The following EFCAB5 variants were observed in gnomAD, a reference collection of about 807,000 sequenced individuals.
EFCAB5 encodes EF-hand calcium binding domain 5.
Under a neutral mutation model 167.9 loss-of-function variants are expected in EFCAB5, and 131 were observed. The ratio of observed to expected loss-of-function variants is 0.78; its 90% CI spans 0.68 to 0.90. The LOEUF is 0.90. Among genes scored for constraint, EFCAB5 ranks in the 40% least tolerant of loss-of-function variants. The pLI is 0.00. For synonymous variants in EFCAB5, 574 were observed against 602.8 expected, an observed-to-expected ratio of 0.95 and a Z score of 0.70; for missense variants, 1,663 against 1,745.2, an observed-to-expected ratio of 0.95 and a Z score of 0.84.
At position 30,068,722 on chromosome 17, in the gene EFCAB5, G is replaced by A. The variant is rs189522863; in HGVS notation, c.2737+9021G>A. On this transcript the variant is annotated intron_variant, in intron 14 of 22. Coordinates refer to ENST00000394835, the MANE Select transcript of EFCAB5 (RefSeq NM_198529.4). The stretch of plus-strand genomic sequence containing the variant: ...GGGAGTGGCAGTGGGTGGCAGAGTC[G>A]ATGGCAGCCGGGATGAGCTGTTCCG... The A allele has an allele frequency of 2.4e-4, 366 of 1,506,274 alleles. 1 individual carries two copies. Among genetic ancestry groups the A allele is most frequent in the Admixed American group, 1.7e-3 (102 of 58,796 alleles). 93.3% of individuals were successfully genotyped at this position (1,506,274 alleles called of 1,614,324 possible).
At chr17:30,080,648 T>C (rs1206592531) in intron 16 of EFCAB5, 105 bp from the exon 17 acceptor site, 1 of 863,084 alleles carries the variant, frequency 1.2e-6, no homozygotes, top group Non-Finnish European at 1.8e-6. Context: ...TGCTCGGTCA[T>C]ATAATGCCAC....
chr17:29,942,393 T>C (rs1475931371), intron 2 of EFCAB5, 91 bp downstream of exon 2: 2 of 1,208,894 alleles, frequency 1.7e-6, no homozygotes, highest in Non-Finnish European at 2.2e-6. Flanking sequence ...ATGTGGGTAT[T>C]CAAAAAGATA....
intron 4 of EFCAB5, among the ~76,000 whole-genome samples, chr17:29,978,789 G>C (rs1034015142): frequency 6.6e-6 from 1 of 152,204 alleles, no homozygotes; most frequent in Non-Finnish European, 1.5e-5. Context: ...TCATTTAAAA[G>C]TATCCAGTGA....
At chr17:30,020,548 A>T (rs2069153490) in intron 7 of EFCAB5, among the ~76,000 whole-genome samples, 1 of 152,038 alleles carries the variant, frequency 6.6e-6, no homozygotes, top group African/African-American at 2.4e-5. Context: ...TATTTTTAGT[A>T]GAGGCCAAGT....
At chr17:29,945,064 A>G (rs970787888) in intron 3 of EFCAB5, among the ~76,000 whole-genome samples, 17 of 152,222 alleles carry the variant, frequency 1.1e-4, no homozygotes, top group Non-Finnish European at 2.5e-4. Context: ...AAGTCTTCAA[A>G]AAAGTAGAGA....
chr17:30,059,457 G>A (rs752604242), intron 13 of EFCAB5, 88 bp from the exon 14 acceptor site: 46 of 1,364,298 alleles, frequency 3.4e-5, no homozygotes, highest in Non-Finnish European at 4.2e-5. Flanking sequence ...AATAGAAGAC[G>A]CTGGACTTTT....
In EFCAB5 at chr17:29,996,335, C is replaced by A. The variant is rs1189477225; in HGVS notation, c.948C>A (p.Phe316Leu). The A allele has an allele frequency of 7.7e-6, 12 of 1,551,004 alleles. No homozygotes were observed. The highest frequency in any genetic ancestry group is 3.6e-5 in the South Asian group (3 of 83,608). ...AGATTCAGAATGTTCTTCAAGAATT[C>A]TTTCAAAATCCAGATTTCAAGCTTG... ...KSVIQNVLQE[F>L]FQNPDFKLGS... Residue 316 changes from phenylalanine to leucine, a missense_variant, in exon 6 of 23, where the codon TTC (phenylalanine) becomes TTA (leucine). Transcript: ENST00000394835.
Position 30,044,828 on chromosome 17 carries a change from A to G in EFCAB5, c.1201-6290A>G, listed in dbSNP as rs556686547. ...GAAATGAAAGAAATTACAACATATA[A>G]TTAAAACTAAAAGACTTATACATGA... On this transcript the variant is annotated intron_variant, in intron 8 of 22. Coordinates refer to ENST00000394835, the MANE Select transcript of EFCAB5 (RefSeq NM_198529.4). Among the ~76,000 whole-genome samples, 3 of 152,334 alleles carry G rather than the reference A, an allele frequency of 2.0e-5. No homozygotes were observed. In the East Asian group the frequency reaches 5.8e-4, roughly 29 times the overall value.
intron 19 of EFCAB5, among the ~76,000 whole-genome samples, chr17:30,088,250 A>G (rs2071127196): frequency 1.3e-5 from 2 of 152,082 alleles, no homozygotes; most frequent in African/African-American, 4.8e-5. Context: ...TGCTTCCCAA[A>G]TAGCTGGGAC....
intron 22 of EFCAB5, among the ~76,000 whole-genome samples, chr17:30,096,397 G>A (rs892402043): frequency 1.3e-5 from 2 of 151,968 alleles, no homozygotes; most frequent in African/African-American, 2.4e-5. Flanking sequence ...TTGATGAGAC[G>A]TGGAGCATGG....
chr17:29,960,437 A>T (rs143880716), intron 3 of EFCAB5, among the ~76,000 whole-genome samples: 25 of 152,106 alleles, frequency 1.6e-4, no homozygotes, highest in African/African-American at 5.1e-4. Context: ...TCATTTTTTG[A>T]AATATTTTAT....
chr17:30,023,600 G>A (rs1045547581), intron 7 of EFCAB5, among the ~76,000 whole-genome samples: 3 of 152,100 alleles, frequency 2.0e-5, no homozygotes, highest in Non-Finnish European at 4.4e-5. Context: ...TCTACCAGAG[G>A]TACAAGGAGG....
intron 7 of EFCAB5, among the ~76,000 whole-genome samples, chr17:30,026,629 C>T: frequency 6.6e-6 from 1 of 152,132 alleles, no homozygotes; most frequent in East Asian, 1.9e-4. Flanking sequence ...ACATGTTCCT[C>T]TCATTTTATT....
chr17:30,068,582 C>T (rs1243598184), intron 14 of EFCAB5: 4 of 1,092,674 alleles, frequency 3.7e-6, no homozygotes, highest in Admixed American at 2.9e-5. Context: ...CTGTCACCAG[C>T]TGCTGACATG....
Position 30,053,275 on chromosome 17 carries a change from G to C in EFCAB5, c.1321G>C (p.Glu441Gln). The C allele has an allele frequency of 6.2e-7, 1 of 1,604,262 alleles. No individual in the cohort carries two copies. Among genetic ancestry groups the C allele is most frequent in the South Asian group, 1.1e-5 (1 of 90,280 alleles). ...ATTAGGGCCATTCATTGAATTTGAAGAGATAAACTTGACTGAGTTGTGGGG... is the reference window on the plus strand; with the variant it reads ...ATTAGGGCCATTCATTGAATTTGAACAGATAAACTTGACTGAGTTGTGGGG... ...PRQWPFIEFE[E>Q]INLTELWGDM... is the part of the protein sequence containing the mutation. Residue 441 changes from glutamate (E) to glutamine (Q), a missense_variant, in exon 10 of 23, where the codon GAG becomes CAG. Coordinates refer to ENST00000394835, the MANE Select transcript of EFCAB5 (RefSeq NM_198529.4).
rs147730202 is a variant in EFCAB5, at chr17:30,103,229, AAT to A, written c.4322-4592_4322-4591del. 4.5e-3 allele frequency among the ~76,000 whole-genome samples: 661 copies of A among 147,536 alleles called. 6 individuals carry two copies. The highest frequency in any genetic ancestry group is 0.015 in the African/African-American group (617 of 40,740). On this transcript the variant is annotated intron_variant, in intron 22 of 22. Coordinates refer to ENST00000394835, the MANE Select transcript of EFCAB5 (RefSeq NM_198529.4). ...ATAATTTATAAATATATATATTATA[AAT>A]ATATATATATATGGGCACATGCTCA... is the stretch of plus-strand genomic sequence containing the variant.
At chr17:30,084,450 G>A (rs574004443) in intron 18 of EFCAB5, among the ~76,000 whole-genome samples, 6 of 152,304 alleles carry the variant, frequency 3.9e-5, no homozygotes, top group Middle Eastern at 3.4e-3. Context: ...TGACTTCAGC[G>A]GCTGTAAGTT....
chr17:30,054,823 A>G (rs575695041), intron 10 of EFCAB5, among the ~76,000 whole-genome samples: 1 of 152,306 alleles, frequency 6.6e-6, no homozygotes, highest in East Asian at 1.9e-4. Context: ...CATGTTGTCT[A>G]TGTTACCTTC....
intron 13 of EFCAB5, among the ~76,000 whole-genome samples, chr17:30,058,344 C>T (rs1217275450): frequency 6.6e-6 from 1 of 152,184 alleles, no homozygotes; most frequent in Non-Finnish European, 1.5e-5. Flanking sequence ...TAAGTGCATA[C>T]ACATTAGCTT....
Sources: allele counts gnomAD v4.1 joint callset (sites outside exome capture counted in the v4.1 genomes callset), GRCh38; gene constraint gnomAD v4.1.1; transcripts MANE v1.5; gene names NCBI Gene and HGNC (gene_info 2026-07-23, HGNC 2026-07-21).